The following COL5A2 variants were observed in gnomAD, a reference collection of about 807,000 sequenced individuals.
The protein encoded by COL5A2 is collagen type V alpha 2 chain.
COL5A2 carries 23 observed loss-of-function variants against 208.2 expected under a neutral mutation model. That is an observed-to-expected ratio of 0.11 (90% CI 0.08 to 0.16). COL5A2 has a LOEUF of 0.16. Among genes scored for constraint, COL5A2 ranks in the 10% least tolerant of loss-of-function variants. COL5A2 has a pLI of 1.00. For synonymous variants in COL5A2, 625 were observed against 628.5 expected, an observed-to-expected ratio of 0.99 and a Z score of 0.08; for missense variants, 1,590 against 1,956.4, an observed-to-expected ratio of 0.81 and a Z score of 3.53.
chr2:189,322,367 C>CA, the COL5A2 span, among the ~76,000 whole-genome samples: 2 of 152,044 alleles, frequency 1.3e-5, no homozygotes, highest in East Asian at 1.9e-4. Flanking sequence ...AAAAACCCTT[C>CA]AAAAAATCAA....
chr2:189,246,336 A>G, the COL5A2 span, among the ~76,000 whole-genome samples: 3 of 152,232 alleles, frequency 2.0e-5, no homozygotes, highest in African/African-American at 7.2e-5. Context: ...AAAGGGAGAA[A>G]GATTATATCT....
chr2:189,348,166 T>C, the COL5A2 span, among the ~76,000 whole-genome samples: 1 of 152,286 alleles, frequency 6.6e-6, no homozygotes, highest in South Asian at 2.1e-4. Context: ...TTTCAACATC[T>C]GCTGACCCTC....
intron 16 of COL5A2, 127 bp downstream of exon 16, chr2:189,078,389 G>C (rs1048037390): frequency 1.7e-4 from 112 of 648,056 alleles, no homozygotes; most frequent in Non-Finnish European, 2.6e-4. Context: ...TATTCCAAAA[G>C]AAAAAGAAAA....
the COL5A2 span, among the ~76,000 whole-genome samples, chr2:189,351,369 C>CGG: frequency 1.3e-5 from 2 of 152,190 alleles, no homozygotes; most frequent in African/African-American, 4.8e-5. Flanking sequence ...AATTTGGAAA[C>CGG]AACCTAAGTC....
the COL5A2 span, among the ~76,000 whole-genome samples, chr2:189,439,324 G>A: frequency 6.6e-6 from 1 of 152,140 alleles, no homozygotes; most frequent in South Asian, 2.1e-4. Flanking sequence ...CATATACTAG[G>A]CACTTAGTAA....
At chr2:189,057,475 A>C in intron 33 of COL5A2, 48 bp from the exon 34 acceptor site, 1 of 1,398,436 alleles carries the variant, frequency 7.2e-7, no homozygotes, top group Non-Finnish European at 1.0e-6. Context: ...ATTAAGATTA[A>C]ACTAATGAAA....
the COL5A2 span, among the ~76,000 whole-genome samples, chr2:189,325,994 G>A: frequency 6.6e-6 from 1 of 151,522 alleles, no homozygotes; most frequent in Non-Finnish European, 1.5e-5. Flanking sequence ...CTACTTGGGA[G>A]GCTGAGGCAG....
chr2:189,150,445 A>G (rs1256207423), intron 1 of COL5A2, among the ~76,000 whole-genome samples: 1 of 152,156 alleles, frequency 6.6e-6, no homozygotes, highest in African/African-American at 2.4e-5. Flanking sequence ...TTGGAATTTA[A>G]TCAACTGGAG....
At chr2:189,263,775 G>A in the COL5A2 span, among the ~76,000 whole-genome samples, 2 of 152,084 alleles carry the variant, frequency 1.3e-5, no homozygotes, top group African/African-American at 4.8e-5. Flanking sequence ...AGAGTATTCA[G>A]TACAGTAACA....
intron 50 of COL5A2, among the ~76,000 whole-genome samples, chr2:189,040,018 A>G (rs1452318570): frequency 6.6e-6 from 1 of 152,186 alleles, no homozygotes; most frequent in Non-Finnish European, 1.5e-5. Flanking sequence ...ATAACAAGAA[A>G]ATACCCACAG....
chr2:189,158,952 C>G (rs1688306713), intron 1 of COL5A2, among the ~76,000 whole-genome samples: 1 of 152,120 alleles, frequency 6.6e-6, no homozygotes, highest in Non-Finnish European at 1.5e-5. Context: ...GAATTTCTTA[C>G]TAAATATATA....
chr2:189,201,457 C>T (rs1422857616), intron 1 of COL5A2, among the ~76,000 whole-genome samples: 3 of 151,612 alleles, frequency 2.0e-5, no homozygotes, highest in African/African-American at 7.3e-5. Context: ...ACATGAAAGG[C>T]ACAAGAAGTA....
intron 1 of COL5A2, among the ~76,000 whole-genome samples, chr2:189,115,016 C>G (rs1043204880): frequency 3.5e-4 from 53 of 152,202 alleles, no homozygotes; most frequent in Middle Eastern, 6.8e-3. Context: ...ATAATACCAT[C>G]ACTATTTTGT....
intron 26 of COL5A2, 60 bp downstream of exon 26, chr2:189,063,920 T>G (rs1686088028): frequency 7.6e-7 from 1 of 1,308,420 alleles, no homozygotes; most frequent in Admixed American, 1.7e-5. Flanking sequence ...TAAATATCAT[T>G]TAAGTTGCAT....
At chr2:189,375,016 A>T in the COL5A2 span, among the ~76,000 whole-genome samples, 1 of 151,470 alleles carries the variant, frequency 6.6e-6, no homozygotes, top group African/African-American at 2.4e-5. Flanking sequence ...TTATATTTTT[A>T]TATCTTTTTT....
chr2:189,297,246 C>T, the COL5A2 span, among the ~76,000 whole-genome samples: 1 of 152,292 alleles, frequency 6.6e-6, no homozygotes, highest in South Asian at 2.1e-4. Context: ...AACCAGACTG[C>T]ACCTCTGAAA....
At chr2:189,089,494 A>G (rs978239057) in intron 7 of COL5A2, among the ~76,000 whole-genome samples, 1 of 152,192 alleles carries the variant, frequency 6.6e-6, no homozygotes, top group Non-Finnish European at 1.5e-5. Context: ...AAAAATGTGT[A>G]TGAACTTTTG....
In COL5A2 at chr2:189,051,399, C is replaced by T. The variant is rs772448543; in HGVS notation, c.2852G>A (p.Gly951Glu). 2.9e-5 allele frequency: 46 copies of T among 1,613,916 alleles called. No individual in the cohort carries two copies. The East Asian group carries it at 9.8e-4, about 34-fold the overall frequency. The change falls in exon 42 of 54, where the codon GGG (glycine) becomes GAG (glutamate). Residue 951 changes from glycine (G) to glutamate (E), a missense_variant. Transcript: ENST00000374866. Reference protein sequence around the residue: ...PGLRGDPGSHGRVGDRGPAGP... With the variant: ...PGLRGDPGSHERVGDRGPAGP... Reference sequence around the variant, plus strand: ...AGCTGGTCCTCGATCTCCCACACGCCCATGAGAGCCAGGGTCCCCACGAAG... The same window carrying T: ...AGCTGGTCCTCGATCTCCCACACGCTCATGAGAGCCAGGGTCCCCACGAAG...
intron 1 of COL5A2, among the ~76,000 whole-genome samples, chr2:189,218,830 C>A (rs937517974): frequency 6.6e-6 from 1 of 151,390 alleles, no homozygotes; most frequent in African/African-American, 2.4e-5. Flanking sequence ...TCAGTGCACA[C>A]AATGATAAAT....
Sources: gnomAD v4.1 joint callset for allele counts (sites outside exome capture counted in the v4.1 genomes callset) on GRCh38, gnomAD v4.1.1 for gene constraint, MANE v1.5 for transcripts, NCBI Gene and HGNC (gene_info 2026-07-23, HGNC 2026-07-21) for gene names.